NDC1: variants seen among roughly 807,000 people sequenced by gnomAD.
The protein encoded by NDC1 is nucleoporin NDC1.
In NDC1, 24 loss-of-function variants were observed where a neutral mutation model predicts 89.8. The ratio of observed to expected loss-of-function variants is 0.27; its 90% CI spans 0.19 to 0.38. The LOEUF (loss-of-function observed/expected upper bound fraction) is 0.38. NDC1 is among the 10% of genes least tolerant of loss of function. The probability of loss-of-function intolerance (pLI) is 1.00; values close to 1 mark genes in which losing one functional copy is unlikely to be tolerated. For missense variants in NDC1, 728 were observed against 797.6 expected (o/e 0.91, Z 1.05); for synonymous variants, 296 against 284.8 (o/e 1.04, Z -0.39).
intron 17 of NDC1, among the ~76,000 whole-genome samples, chr1:53,769,604 T>G (rs1163310803): frequency 6.6e-6 from 1 of 152,244 alleles, no homozygotes; most frequent in East Asian, 1.9e-4. Flanking sequence ...TGTTTGTTAG[T>G]TGATTTTCAG....
intron 14 of NDC1, among the ~76,000 whole-genome samples, chr1:53,789,800 A>C (rs1647425480): frequency 8.1e-6 from 1 of 123,734 alleles, no homozygotes; most frequent in Non-Finnish European, 1.7e-5. Flanking sequence ...ACTCCATCTC[A>C]AAAAAAAAAA....
In NDC1 at chr1:53,811,630, C is replaced by G. The variant is rs114015183; in HGVS notation, c.704-1884G>C. ...GCAGCAAAAACTGACCCAGGAGAGT[C>G]TGAGCTCAGACTCGCCTATCCCCAC... is the stretch of plus-strand genomic sequence containing the variant. On this transcript the variant is annotated intron_variant, in intron 6 of 17. Coordinates refer to ENST00000371429, the MANE Select transcript of NDC1 (RefSeq NM_018087.5). 4.3e-3 allele frequency among the ~76,000 whole-genome samples: 661 copies of G among 152,166 alleles called. 2 individuals carry two copies. The highest frequency in any genetic ancestry group is 0.015 in the African/African-American group (632 of 41,474).
rs919756794 is a variant in NDC1, at chr1:53,826,040, A to G, written c.456-104T>C. The G allele has an allele frequency of 1.3e-5, 15 of 1,153,212 alleles. No individual in the cohort carries two copies. The African/African-American group carries it at 2.4e-4, about 18-fold the overall frequency. The allele number at this position is 1,153,212 out of a possible 1,614,324, so 71.4% of individuals were successfully genotyped here. A position where few individuals can be genotyped will look rare whatever the true frequency, so the allele number is the denominator to read the frequency against. On this transcript the variant is annotated intron_variant, in intron 4 of 17. Transcript: ENST00000371429. ...CAAAGCTTAATTACTTTAATGACTT[A>G]AGAAATGTCCCAAATTCTAACAAGA...
At chr1:53,827,277 A>C (rs1271905295) in intron 4 of NDC1, among the ~76,000 whole-genome samples, 1 of 151,658 alleles carries the variant, frequency 6.6e-6, no homozygotes, top group East Asian at 1.9e-4. Context: ...TAAAAAAAAA[A>C]AAAAAAAAAA....
intron 9 of NDC1, among the ~76,000 whole-genome samples, chr1:53,806,053 G>A (rs927278024): frequency 6.6e-6 from 1 of 151,708 alleles, no homozygotes; most frequent in Non-Finnish European, 1.5e-5. Context: ...CAGCCTGGGC[G>A]ACAGAGCGAG....
chr1:53,780,119 TGGCACAATCAC>T lies in NDC1; in HGVS notation c.1800+7028_1800+7038del, dbSNP rs879938155. On this transcript the variant is annotated intron_variant, in intron 16 of 17. Coordinates refer to ENST00000371429, the MANE Select transcript of NDC1 (RefSeq NM_018087.5). ...TGTTGTTGCCCAGGCTGAAGAGCAA[TGGCACAATCAC>T]GGCACAATCGCAGCTCACCGCAACC... is the stretch of plus-strand genomic sequence containing the variant. Among the ~76,000 whole-genome samples the T allele has an allele frequency of 8.7e-4, 133 of 152,240 alleles. 1 individual carries two copies. Among genetic ancestry groups the T allele is most frequent in the Middle Eastern group, 6.8e-3 (2 of 294 alleles).
intron 6 of NDC1, among the ~76,000 whole-genome samples, chr1:53,815,084 C>T (rs1648435194): frequency 6.6e-6 from 1 of 152,010 alleles, no homozygotes; most frequent in African/African-American, 2.4e-5. Context: ...AAGAAGGAAC[C>T]CTCCCTAATT....
intron 5 of NDC1, among the ~76,000 whole-genome samples, chr1:53,820,245 A>G (rs1174419182): frequency 6.6e-6 from 1 of 151,548 alleles, no homozygotes; most frequent in Non-Finnish European, 1.5e-5. Context: ...ACAGAGTGAG[A>G]CTCTGTCTCA....
intron 16 of NDC1, among the ~76,000 whole-genome samples, chr1:53,776,735 T>G (rs1046097452): frequency 2.0e-5 from 3 of 152,172 alleles, no homozygotes; most frequent in African/African-American, 7.2e-5. Context: ...AATTATGAAT[T>G]ATCAATTGTA....
chr1:53,824,457 C>A (rs1324774091), intron 5 of NDC1, among the ~76,000 whole-genome samples: 1 of 152,148 alleles, frequency 6.6e-6, no homozygotes, highest in East Asian at 1.9e-4. Flanking sequence ...TAATAATATA[C>A]CATTTGTTTA....
At position 53,793,094 on chromosome 1, in the gene NDC1, G is replaced by A. The variant is rs138512088; in HGVS notation, c.1635+135C>T. ...ACTATTGTTAAAACGGAGGTTCAGTGAAGCACTATGCAAAGCTGCCTAGCT... is the reference window on the plus strand; with the variant it reads ...ACTATTGTTAAAACGGAGGTTCAGTAAAGCACTATGCAAAGCTGCCTAGCT... On this transcript the variant is annotated intron_variant, in intron 14 of 17. Coordinates refer to ENST00000371429, the MANE Select transcript of NDC1 (RefSeq NM_018087.5). The A allele has an allele frequency of 3.8e-4, 280 of 732,378 alleles. 2 individuals are homozygous for A. The highest frequency in any genetic ancestry group is 2.6e-3 in the African/African-American group (147 of 57,196). 45.4% of individuals were successfully genotyped at this position (732,378 alleles called of 1,614,324 possible).
At chr1:53,790,271 A>AGTG (rs1361778374) in intron 14 of NDC1, among the ~76,000 whole-genome samples, 1 of 150,588 alleles carries the variant, frequency 6.6e-6, no homozygotes, top group African/African-American at 2.4e-5. Flanking sequence ...AGGCTGAGGC[A>AGTG]GGAGAATCAC....
At chr1:53,819,463 A>C (rs1478982036) in intron 5 of NDC1, among the ~76,000 whole-genome samples, 1 of 152,202 alleles carries the variant, frequency 6.6e-6, no homozygotes, top group African/African-American at 2.4e-5. Flanking sequence ...TTTAAACCTC[A>C]TAAGAACCCT....
intron 17 of NDC1, among the ~76,000 whole-genome samples, chr1:53,771,499 A>C (rs1647112805): frequency 1.3e-5 from 2 of 152,204 alleles, no homozygotes; most frequent in Non-Finnish European, 2.9e-5. Context: ...ATCTGATAAA[A>C]CTTTCTGGAA....
In NDC1 at chr1:53,804,998, A is replaced by G. The variant is rs575688245; in HGVS notation, c.985-989T>C. ...CTTATTCATCATTCTACCACAAACA[A>G]CTAGCAGAGACTGACGTACCACTAA... On this transcript the variant is annotated intron_variant, in intron 9 of 17. Transcript: ENST00000371429. Among the ~76,000 whole-genome samples the G allele has an allele frequency of 2.6e-5, 4 of 152,264 alleles. No individual in the cohort carries two copies. The South Asian group carries it at 8.3e-4, about 32-fold the overall frequency.
Position 53,809,690 on chromosome 1 carries a change from C to T in NDC1, c.755+5G>A. On this transcript the variant is annotated splice_donor_5th_base_variant and intron_variant, in intron 7 of 17. Transcript: ENST00000371429. Reference sequence around the variant, plus strand: ...TTAAAATTAGACTTTTTAGGTATCACTTACTCATCTATGTGAAGGTTCATA... The same window carrying T: ...TTAAAATTAGACTTTTTAGGTATCATTTACTCATCTATGTGAAGGTTCATA... 2 of 1,599,648 alleles carry T rather than the reference C, an allele frequency of 1.3e-6. No homozygotes were observed. Among genetic ancestry groups the T allele is most frequent in the Non-Finnish European group, 1.7e-6 (2 of 1,167,798 alleles).
chr1:53,817,826 A>T (rs1648530014), intron 6 of NDC1, among the ~76,000 whole-genome samples: 1 of 152,180 alleles, frequency 6.6e-6, no homozygotes, highest in African/African-American at 2.4e-5. Flanking sequence ...AAAAAGTTAT[A>T]ATCTGAAAAT....
At chr1:53,784,841 C>A (rs1300933653) in intron 16 of NDC1, among the ~76,000 whole-genome samples, 1 of 151,952 alleles carries the variant, frequency 6.6e-6, no homozygotes. Flanking sequence ...GCCTGTACTC[C>A]CAGCTACTCG....
In NDC1 at chr1:53,766,904, C is replaced by A. The variant is rs993850112; in HGVS notation, c.*1066G>T. 1 of 152,212 alleles carries A rather than the reference C, an allele frequency of 6.6e-6. No homozygotes were observed. The allele number at this position is 152,212 out of a possible 1,614,324, so 9.4% of individuals were successfully genotyped here. ...GCTGATCTAATAAATTCTAACAATA[C>A]TTCGTTCACATTTGGGACACACAAC... On this transcript the variant is annotated 3_prime_UTR_variant, in exon 18 of 18. Transcript: ENST00000371429.
Sources: gnomAD v4.1 joint callset for allele counts (sites outside exome capture counted in the v4.1 genomes callset) on GRCh38, gnomAD v4.1.1 for gene constraint, MANE v1.5 for transcripts, NCBI Gene and HGNC (gene_info 2026-07-23, HGNC 2026-07-21) for gene names.